MIB1: variants seen among roughly 807,000 people sequenced by gnomAD.
MIB1 encodes MIB E3 ubiquitin protein ligase 1.
In MIB1, 278 loss-of-function variants were observed where a neutral mutation model predicts 124.5. The ratio of observed to expected loss-of-function variants is 2.23; its 90% CI spans 2.02 to 2.47. The LOEUF (loss-of-function observed/expected upper bound fraction) is 2.47, where lower values mean the gene tolerates loss of function less well. Among genes scored for constraint, MIB1 ranks in the 30% most tolerant of loss-of-function variants. The probability of loss-of-function intolerance (pLI) is 0.00; values close to 1 mark genes in which losing one functional copy is unlikely to be tolerated. For synonymous variants in MIB1, 446 were observed against 429.4 expected (o/e 1.04, Z -0.48); for missense variants, 957 against 1,254.4 (o/e 0.76, Z 3.58).
At chr18:21,767,269 AG>A (rs2041172343) in intron 2 of MIB1, among the ~76,000 whole-genome samples, 1 of 152,174 alleles carries the variant, frequency 6.6e-6, no homozygotes, top group Admixed American at 6.5e-5. Context: ...TCATGGTGGA[AG>A]GGGAAGCAAA....
chr18:21,802,201 G>C (rs545894330), intron 9 of MIB1, among the ~76,000 whole-genome samples: 7 of 152,122 alleles, frequency 4.6e-5, no homozygotes, highest in Middle Eastern at 3.4e-3. Context: ...ATGATATTTT[G>C]TCTTGGTTAG....
intron 1 of MIB1, among the ~76,000 whole-genome samples, chr18:21,708,843 G>A (rs193037375): frequency 2.6e-5 from 4 of 152,260 alleles, no homozygotes; most frequent in South Asian, 2.1e-4. Flanking sequence ...TACAAAAAGT[G>A]TGGTGTCTGG....
intron 9 of MIB1, among the ~76,000 whole-genome samples, chr18:21,800,383 T>C (rs1224408090): frequency 1.3e-5 from 2 of 152,096 alleles, no homozygotes; most frequent in Non-Finnish European, 2.9e-5. Flanking sequence ...TTTTCAATCC[T>C]TCTTTTCAAA....
intron 7 of MIB1, among the ~76,000 whole-genome samples, chr18:21,795,305 A>AAT (rs2041561669): frequency 7.6e-6 from 1 of 130,964 alleles, no homozygotes; most frequent in South Asian, 2.1e-4. Flanking sequence ...ATAATATATA[A>AAT]ATATATATTA....
upstream of MIB1, among the ~76,000 whole-genome samples, chr18:21,737,857 G>A (rs569900838): frequency 1.3e-3 from 201 of 152,096 alleles, no homozygotes; most frequent in African/African-American, 3.3e-3. Context: ...CACCCAATAC[G>A]GGAGCACCCA....
intron 17 of MIB1, among the ~76,000 whole-genome samples, chr18:21,850,026 T>G (rs1439989454): frequency 2.0e-5 from 3 of 152,164 alleles, no homozygotes; most frequent in African/African-American, 4.8e-5. Context: ...ATGTCCCATC[T>G]GGAGGCAAAT....
chr18:21,775,168 A>G (rs1339112136), intron 4 of MIB1, among the ~76,000 whole-genome samples: 1 of 151,052 alleles, frequency 6.6e-6, no homozygotes, highest in East Asian at 1.9e-4. Context: ...GATGGTCTTG[A>G]TCTCCTGACC....
In MIB1 at chr18:21,744,769, A is replaced by G. The variant is rs1162845384; in HGVS notation, c.229+2957A>G. On this transcript the variant is annotated intron_variant, in intron 1 of 20. Coordinates refer to ENST00000261537, the MANE Select transcript of MIB1 (RefSeq NM_020774.4). ...GTTAGTGCATCGTACCAGGAGGTAC[A>G]TGGTGTTCGTATGTCTCATTAATTA... Among the ~76,000 whole-genome samples the G allele has an allele frequency of 4.6e-5, 7 of 152,360 alleles. No individual in the cohort carries two copies. In the East Asian group the frequency reaches 1.2e-3, roughly 25 times the overall value.
chr18:21,728,104 T>G (rs963428518), intron 1 of MIB1, among the ~76,000 whole-genome samples: 1 of 152,240 alleles, frequency 6.6e-6, no homozygotes, highest in Non-Finnish European at 1.5e-5. Flanking sequence ...TTCCATTCTC[T>G]GGTACCTTCA....
At chr18:21,709,308 A>ACT (rs10693568) in intron 1 of MIB1, among the ~76,000 whole-genome samples, 67,339 of 127,614 alleles carry the variant, frequency 0.53, 19,407 homozygotes, top group African/African-American at 0.84. Flanking sequence ...AAAGAGCGAG[A>ACT]CTGTCTCAAA....
At chr18:21,747,602 CATT>C (rs1488369599) in intron 1 of MIB1, among the ~76,000 whole-genome samples, 2 of 152,154 alleles carry the variant, frequency 1.3e-5, no homozygotes, top group Non-Finnish European at 2.9e-5. Flanking sequence ...ACTAGATTGG[CATT>C]ATTAGTTGGG....
chr18:21,706,320 C>G (rs1016675660), intron 1 of MIB1, among the ~76,000 whole-genome samples: 2 of 152,160 alleles, frequency 1.3e-5, no homozygotes, highest in Non-Finnish European at 2.9e-5. Context: ...ATCCACTCGC[C>G]TCGGCCTCCC....
upstream of MIB1, among the ~76,000 whole-genome samples, chr18:21,738,582 C>T (rs1016989484): frequency 1.1e-4 from 16 of 151,534 alleles, no homozygotes; most frequent in East Asian, 3.9e-4. Context: ...CCGAGGCGGG[C>T]GGATCACGAG....
intron 13 of MIB1, among the ~76,000 whole-genome samples, chr18:21,840,655 ATATATATATATTTTTTTT>A (rs796685659): frequency 0.1 from 376 of 3,644 alleles, 3 homozygotes; most frequent in Middle Eastern, 0.25. Flanking sequence ...ATATATATAT[ATATATATATATTTTTTTT>A]TTTTTTTAAT....
chr18:21,840,648 TATATATATATATATA>T (rs1275649158), intron 13 of MIB1, among the ~76,000 whole-genome samples: 3 of 2,180 alleles, frequency 1.4e-3, no homozygotes, highest in African/African-American at 2.0e-3. Context: ...TATATATATA[TATATATATATATATA>T]TATTTTTTTT....
chr18:21,706,567 C>T (rs766517523), intron 1 of MIB1, among the ~76,000 whole-genome samples: 7 of 152,142 alleles, frequency 4.6e-5, no homozygotes, highest in Admixed American at 2.0e-4. Context: ...CACGGGCCAG[C>T]GGGAGTTCCG....
chr18:21,775,467 C>A (rs913500695), intron 4 of MIB1, among the ~76,000 whole-genome samples: 1 of 152,164 alleles, frequency 6.6e-6, no homozygotes, highest in Non-Finnish European at 1.5e-5. Flanking sequence ...GTTTTGAACT[C>A]CTGAGTTCCA....
rs978434123 is a variant in MIB1, at chr18:21,734,494, C to CTCTT, written n.167+29388_167+29391dup. On this transcript the variant is annotated intron_variant and non_coding_transcript_variant, in intron 1 of 20. Transcript: ENST00000578646. ...TCTCTCTCTTTCTCTCTCTCTCTCT[C>CTCTT]TCTTTCTTTCTTTCTTTCTTGTCTC... Among the ~76,000 whole-genome samples, 8 of 64,142 alleles carry CTCTT rather than the reference C, an allele frequency of 1.2e-4. No individual in the cohort carries two copies. The South Asian group carries it at 1.7e-3, about 13-fold the overall frequency. The allele number at this position is 64,142 out of a possible 152,430, so 42.1% of individuals were successfully genotyped here.
At chr18:21,746,377 A>G (rs1175702743) in intron 1 of MIB1, among the ~76,000 whole-genome samples, 1 of 152,148 alleles carries the variant, frequency 6.6e-6, no homozygotes, top group Non-Finnish European at 1.5e-5. Flanking sequence ...GTTTGAATTT[A>G]TGGTCTAGGA....
Sources: gnomAD v4.1 joint callset for allele counts (sites outside exome capture counted in the v4.1 genomes callset) on GRCh38, gnomAD v4.1.1 for gene constraint, MANE v1.5 for transcripts, NCBI Gene and HGNC (gene_info 2026-07-23, HGNC 2026-07-21) for gene names.